ADAM19: variants seen among roughly 807,000 people sequenced by gnomAD.
The protein encoded by ADAM19 is disintegrin and metalloproteinase domain-containing protein 19.
In ADAM19, 65 loss-of-function variants were observed where a neutral mutation model predicts 114.7. The observed-to-expected ratio is 0.57, with a 90% CI of 0.46 to 0.70. ADAM19 has a LOEUF of 0.70. Ranked by LOEUF, ADAM19 falls within the 30% of genes least tolerant of loss-of-function variation. The pLI, the probability that ADAM19 is intolerant of heterozygous loss-of-function variation, is 0.00. For synonymous variants in ADAM19, 466 were observed against 460.5 expected, an observed-to-expected ratio of 1.01 and a Z score of -0.15; for missense variants, 1,063 against 1,204.7, an observed-to-expected ratio of 0.88 and a Z score of 1.74.
chr5:157,501,894 C>CA (rs74513880), intron 12 of ADAM19, among the ~76,000 whole-genome samples: 21,782 of 141,534 alleles, frequency 0.15, 1,902 homozygotes, highest in Middle Eastern at 0.21. Context: ...GCTAAAAGTA[C>CA]AAAAAAAAAA....
chr5:157,556,420 T>C (rs555384398), intron 3 of ADAM19, among the ~76,000 whole-genome samples: 3 of 152,174 alleles, frequency 2.0e-5, no homozygotes, highest in Non-Finnish European at 2.9e-5. Flanking sequence ...GGTTTCACCA[T>C]GTTAGTCAGG....
intron 5 of ADAM19, among the ~76,000 whole-genome samples, chr5:157,522,962 T>A (rs777333472): frequency 1.3e-5 from 2 of 152,194 alleles, no homozygotes; most frequent in Non-Finnish European, 2.9e-5. Flanking sequence ...TGCCATTGAT[T>A]GAGCTAACTG....
At chr5:157,483,944 C>CT (rs397771063) in intron 21 of ADAM19, among the ~76,000 whole-genome samples, 42,055 of 143,682 alleles carry the variant, frequency 0.29, 6,411 homozygotes, top group East Asian at 0.69. Flanking sequence ...TTGAACATTC[C>CT]TTTTTTTTTT....
At chr5:157,529,549 C>A (rs1756567576) in intron 5 of ADAM19, among the ~76,000 whole-genome samples, 1 of 152,114 alleles carries the variant, frequency 6.6e-6, no homozygotes, top group South Asian at 2.1e-4. Context: ...AGATTAAAAT[C>A]CAGTAGGTCT....
At chr5:157,534,328 C>T (rs1399976548) in intron 4 of ADAM19, among the ~76,000 whole-genome samples, 4 of 151,966 alleles carry the variant, frequency 2.6e-5, no homozygotes, top group Non-Finnish European at 4.4e-5. Context: ...ATTAGCCAGG[C>T]GTGATGGCGG....
chr5:157,485,990 G>C (rs1403316473), intron 21 of ADAM19, among the ~76,000 whole-genome samples: 2 of 152,238 alleles, frequency 1.3e-5, no homozygotes, highest in Non-Finnish European at 2.9e-5. Flanking sequence ...GCCTGGCCCA[G>C]AGTGCAGGTG....
At chr5:157,497,663 ATG>A (rs1339891823) in intron 13 of ADAM19, among the ~76,000 whole-genome samples, 1 of 152,158 alleles carries the variant, frequency 6.6e-6, no homozygotes, top group East Asian at 1.9e-4. Flanking sequence ...TATCCCCACT[ATG>A]GGGCCAGGCA....
chr5:157,526,857 G>C (rs1468213156), intron 5 of ADAM19, among the ~76,000 whole-genome samples: 1 of 152,070 alleles, frequency 6.6e-6, no homozygotes, highest in Non-Finnish European at 1.5e-5. Context: ...CTGACCTCAA[G>C]TGATCTGCCT....
Position 157,575,739 on chromosome 5 carries a change from C to G in ADAM19, c.-43G>C, listed in dbSNP as rs1467190681. 31 of 1,243,560 alleles carry G rather than the reference C, an allele frequency of 2.5e-5. No homozygotes were observed. In the East Asian group the frequency reaches 9.5e-4, roughly 38 times the overall value. The allele number at this position is 1,243,560 out of a possible 1,614,324, so 77.0% of individuals were successfully genotyped here. On this transcript the variant is annotated 5_prime_UTR_variant, in exon 1 of 23. Coordinates refer to ENST00000257527, the MANE Select transcript of ADAM19 (RefSeq NM_033274.5). ...GCGCTCGGCGCTCACACGCCCTCAG[C>G]CATACCTGCCCACTGCCCGGCGGTG...
At chr5:157,486,517 C>T (rs1425088189) in intron 21 of ADAM19, among the ~76,000 whole-genome samples, 2 of 152,084 alleles carry the variant, frequency 1.3e-5, no homozygotes, top group Non-Finnish European at 2.9e-5. Context: ...GCACAGCCTC[C>T]ACCACTTAAC....
chr5:157,507,237 C>T lies in ADAM19; in HGVS notation c.906-97G>A, dbSNP rs551623578. ...GTGGCCATCACGGGGTTCCCTGGAC[C>T]CGCTGACTTTCCCAGGTCATTCCCA... On this transcript the variant is annotated intron_variant, in intron 9 of 22. Transcript: ENST00000257527. The T allele has an allele frequency of 6.4e-5, 78 of 1,226,570 alleles. No individual in the cohort carries two copies. In the East Asian group the frequency reaches 1.8e-3, roughly 28 times the overall value. 76.0% of individuals were successfully genotyped at this position (1,226,570 alleles called of 1,614,324 possible). A position where few individuals can be genotyped will look rare whatever the true frequency, so the allele number is the denominator to read the frequency against.
chr5:157,559,392 C>A (rs1187681213), intron 3 of ADAM19, among the ~76,000 whole-genome samples: 2 of 152,328 alleles, frequency 1.3e-5, no homozygotes, highest in East Asian at 1.9e-4. Context: ...AGCCTCTGGG[C>A]AAAGTGCCTA....
chr5:157,499,436 CG>C, intron 13 of ADAM19, 136 bp downstream of exon 13: 1 of 754,052 alleles, frequency 1.3e-6, no homozygotes. Context: ...GCACCTTTTC[CG>C]CTCTGTGTTT....
intron 8 of ADAM19, among the ~76,000 whole-genome samples, 162 bp from the exon 9 acceptor site, chr5:157,509,629 G>A (rs893979784): frequency 1.3e-5 from 2 of 152,160 alleles, no homozygotes; most frequent in Non-Finnish European, 2.9e-5. Flanking sequence ...TAAGAACTCA[G>A]AGCACAGATA....
intron 3 of ADAM19, among the ~76,000 whole-genome samples, chr5:157,539,552 T>C (rs1238280895): frequency 6.6e-6 from 1 of 152,216 alleles, no homozygotes; most frequent in African/African-American, 2.4e-5. Flanking sequence ...AATTGTCTCC[T>C]GTACTATGTC....
At chr5:157,538,712 C>T (rs1756834908) in intron 3 of ADAM19, among the ~76,000 whole-genome samples, 1 of 152,138 alleles carries the variant, frequency 6.6e-6, no homozygotes, top group African/African-American at 2.4e-5. Flanking sequence ...CACCACAGAC[C>T]CCTTGAAGTA....
chr5:157,573,575 G>T (rs1275260758), intron 1 of ADAM19, among the ~76,000 whole-genome samples: 1 of 151,962 alleles, frequency 6.6e-6, no homozygotes, highest in African/African-American at 2.4e-5. Flanking sequence ...GTGAAACCCC[G>T]TCTCTACTAA....
intron 21 of ADAM19, among the ~76,000 whole-genome samples, chr5:157,482,162 A>G (rs1232392385): frequency 1.3e-5 from 2 of 152,226 alleles, no homozygotes; most frequent in African/African-American, 2.4e-5. Context: ...AGTGAAGATG[A>G]TCTTTTTTTC....
intron 2 of ADAM19, chr5:157,568,927 T>C (rs1347118971): frequency 6.6e-6 from 1 of 152,160 alleles, no homozygotes; most frequent in Non-Finnish European, 1.5e-5. Flanking sequence ...AGACAATGGT[T>C]GGGAACAAAG....
Sources: gnomAD v4.1 joint callset for allele counts (sites outside exome capture counted in the v4.1 genomes callset) on GRCh38, gnomAD v4.1.1 for gene constraint, MANE v1.5 for transcripts, NCBI Gene and HGNC (gene_info 2026-07-23, HGNC 2026-07-21) for gene names.